The following GPAM variants were observed in gnomAD, a reference collection of about 807,000 sequenced individuals.
The protein encoded by GPAM is glycerol-3-phosphate acyltransferase 1, mitochondrial.
In GPAM, 56 loss-of-function variants were observed where a neutral mutation model predicts 105.0. The ratio of observed to expected loss-of-function variants is 0.53; its 90% CI spans 0.43 to 0.67. GPAM has a LOEUF of 0.67. GPAM is among the 30% of genes least tolerant of loss of function. The probability of loss-of-function intolerance (pLI) is 0.00; values close to 1 mark genes in which losing one functional copy is unlikely to be tolerated. For missense variants in GPAM, 855 were observed against 989.8 expected, an observed-to-expected ratio of 0.86 and a Z score of 1.83; for synonymous variants, 368 against 354.4, an observed-to-expected ratio of 1.04 and a Z score of -0.43.
chr10:112,174,032 T>C (rs1483404036), intron 6 of GPAM, among the ~76,000 whole-genome samples, 187 bp from the exon 7 acceptor site: 1 of 152,190 alleles, frequency 6.6e-6, no homozygotes, highest in African/African-American at 2.4e-5. Context: ...TTAAGAATAC[T>C]ATATTCCTAA....
At chr10:112,175,492 T>TGA in intron 6 of GPAM, 108 bp downstream of exon 6, 1 of 756,354 alleles carries the variant, frequency 1.3e-6, no homozygotes, top group Non-Finnish European at 2.4e-6. Flanking sequence ...GAACACTTCT[T>TGA]GAGACACAGT....
Position 112,151,324 on chromosome 10 carries a change from T to C in GPAM, c.*2226A>G. 1.0e-6 allele frequency: 1 copy of C among 962,618 alleles called. No individual in the cohort carries two copies. Among genetic ancestry groups the C allele is most frequent in the Non-Finnish European group, 1.2e-6 (1 of 818,554 alleles). 59.6% of individuals were successfully genotyped at this position (962,618 alleles called of 1,614,324 possible). A position where few individuals can be genotyped will look rare whatever the true frequency, so the allele number is the denominator to read the frequency against. ...AAGCTTCATTGTGAAGATGCTTTCG[T>C]TTTTTTGTTTTTTGTTTTCAGTCAT... On this transcript the variant is annotated 3_prime_UTR_variant, in exon 22 of 22. Coordinates refer to ENST00000348367, the MANE Select transcript of GPAM (RefSeq NM_001244949.2).
intron 5 of GPAM, 133 bp downstream of exon 5, chr10:112,177,851 T>A (rs1847434698): frequency 4.8e-6 from 3 of 621,244 alleles, no homozygotes; most frequent in African/African-American, 1.9e-5. Flanking sequence ...TTTCAGATAA[T>A]CTCTCTTGTG....
At chr10:112,196,365 G>A (rs188056232) in intron 1 of GPAM, among the ~76,000 whole-genome samples, 6 of 152,240 alleles carry the variant, frequency 3.9e-5, no homozygotes, top group Admixed American at 3.9e-4. Context: ...CTAATTTTTA[G>A]AATACTTCTA....
rs766633288 is a variant in GPAM, at chr10:112,180,535, G to T, written c.163C>A (p.Leu55Ile). The change falls in exon 4 of 22, where the codon CTA becomes ATA. Residue 55 changes from leucine to isoleucine, a missense_variant. Transcript: ENST00000348367. ...ACAAATGGCCTTTTCCGACTCATTA[G>T]GCTTTCTTTCCATTTTAAAGTTGCA... ...RSATLKWKES[L>I]MSRKRPFVGR... 2.3e-5 allele frequency: 37 copies of T among 1,612,720 alleles called. No homozygotes were observed. Among genetic ancestry groups the T allele is most frequent in the Non-Finnish European group, 3.1e-5 (37 of 1,178,856 alleles).
rs1299919643 is a variant in GPAM at position 112,157,399 on chromosome 10, G to A, written c.1981-10C>T. 34 of 1,613,116 alleles carry A rather than the reference G, an allele frequency of 2.1e-5. No homozygotes were observed. The highest frequency in any genetic ancestry group is 2.6e-5 in the Non-Finnish European group (31 of 1,179,216). ...CTTCCTGGTCATCGTGCTAGGCCAA[G>A]GAGATGATGGATAGTAAATAAATAT... On this transcript the variant is annotated splice_polypyrimidine_tract_variant and intron_variant, in intron 18 of 21. Coordinates refer to ENST00000348367, the MANE Select transcript of GPAM (RefSeq NM_001244949.2).
chr10:112,199,785 C>T (rs1160898507), intron 1 of GPAM, among the ~76,000 whole-genome samples: 2 of 152,066 alleles, frequency 1.3e-5, no homozygotes, highest in Non-Finnish European at 2.9e-5. Flanking sequence ...TGCAGGGGAA[C>T]TCCCATTTAT....
intron 14 of GPAM, 42 bp downstream of exon 14, chr10:112,163,659 G>A: frequency 1.1e-6 from 1 of 939,290 alleles, no homozygotes; most frequent in South Asian, 1.3e-5. Context: ...ATACCATGAT[G>A]AATCTAAATT....
intron 10 of GPAM, 78 bp from the exon 11 acceptor site, chr10:112,168,602 A>G (rs1360782173): frequency 5.9e-6 from 6 of 1,010,412 alleles, no homozygotes; most frequent in Non-Finnish European, 9.4e-6. Context: ...TAAATCTTTA[A>G]AAGCAAAACA....
chr10:112,188,490 C>A (rs1332825905), upstream of GPAM, among the ~76,000 whole-genome samples: 3 of 152,098 alleles, frequency 2.0e-5, no homozygotes, highest in African/African-American at 7.2e-5. Context: ...AAAAGCTGGT[C>A]CCACCCATTG....
chr10:112,156,012 TAAG>T lies in GPAM; in HGVS notation c.2160_2162del (p.Phe720del). ...CCAGCAAAGGCCCAAGGAGTCTCTG[TAAG>T]AAGGTGATAAACTGCTGGTGCTCCT... On this transcript the variant is annotated inframe_deletion, in exon 20 of 22. Coordinates refer to ENST00000348367, the MANE Select transcript of GPAM (RefSeq NM_001244949.2). The T allele has an allele frequency of 6.2e-7, 1 of 1,613,312 alleles. No individual in the cohort carries two copies. The highest frequency in any genetic ancestry group is 8.5e-7 in the Non-Finnish European group (1 of 1,179,406).
At chr10:112,217,440 GT>G (rs201314583), upstream of GPAM, among the ~76,000 whole-genome samples, 3,488 of 140,492 alleles carry the variant, frequency 0.025, 133 homozygotes, top group East Asian at 0.11. Context: ...CGTTTTGTTT[GT>G]TTTTTTTTTT....
intron 6 of GPAM, among the ~76,000 whole-genome samples, chr10:112,174,255 A>T (rs1378448969): frequency 6.6e-6 from 1 of 152,220 alleles, no homozygotes; most frequent in African/African-American, 2.4e-5. Flanking sequence ...TGAAGACTTA[A>T]TTTACTTTTA....
chr10:112,195,995 G>A (rs560951350), intron 1 of GPAM, among the ~76,000 whole-genome samples: 15 of 152,162 alleles, frequency 9.9e-5, no homozygotes, highest in Admixed American at 9.2e-4. Flanking sequence ...GAGAAAACAT[G>A]TGACTACAAG....
intron 13 of GPAM, 58 bp downstream of exon 13, chr10:112,164,467 C>T (rs1847178021): frequency 1.8e-5 from 16 of 902,148 alleles, no homozygotes; most frequent in Non-Finnish European, 3.0e-5. Context: ...CTATGCAATA[C>T]AAGAAATAAC....
At chr10:112,179,628 C>T (rs1395439392) in intron 4 of GPAM, among the ~76,000 whole-genome samples, 1 of 152,174 alleles carries the variant, frequency 6.6e-6, no homozygotes, top group Admixed American at 6.5e-5. Context: ...ACTCAGAATT[C>T]TACTTTCTGC....
chr10:112,173,084 C>CA lies in GPAM; in HGVS notation c.561-19dup, dbSNP rs747695593. ...CAGTCAGTCTGAAACAAAGTACAAACAAAAAAAACAACATAAATGAACACA... is the reference window on the plus strand; with the variant it reads ...CAGTCAGTCTGAAACAAAGTACAAACAAAAAAAAACAACATAAATGAACACA... On this transcript the variant is annotated intron_variant, in intron 7 of 21. Transcript: ENST00000348367. The CA allele has an allele frequency of 7.8e-5, 105 of 1,353,016 alleles. No homozygotes were observed. Among genetic ancestry groups the CA allele is most frequent in the Non-Finnish European group, 9.8e-5 (92 of 942,404 alleles). 83.8% of individuals were successfully genotyped at this position (1,353,016 alleles called of 1,614,324 possible).
intron 1 of GPAM, among the ~76,000 whole-genome samples, chr10:112,190,049 T>G (rs1418726130): frequency 3.9e-5 from 6 of 152,228 alleles, no homozygotes; most frequent in Admixed American, 2.0e-4. Context: ...TCCCTGTTTT[T>G]AGAAATTCAA....
At chr10:112,153,866 TC>T in intron 21 of GPAM, 200 bp from the exon 22 acceptor site, 1 of 455,864 alleles carries the variant, frequency 2.2e-6, no homozygotes, top group African/African-American at 4.7e-5. Context: ...GTTTTCTTTT[TC>T]TATTTTTTTT....
Sources: allele counts gnomAD v4.1 joint callset (sites outside exome capture counted in the v4.1 genomes callset), GRCh38; gene constraint gnomAD v4.1.1; transcripts MANE v1.5; gene names NCBI Gene and HGNC (gene_info 2026-07-23, HGNC 2026-07-21).